The following FBXW10 variants were observed in gnomAD, a reference collection of about 807,000 sequenced individuals.
FBXW10 encodes F-box and WD repeat domain containing 10.
FBXW10 carries 68 observed loss-of-function variants against 113.1 expected under a neutral mutation model. The observed-to-expected ratio is 0.60, with a 90% CI of 0.49 to 0.74. FBXW10 has a LOEUF of 0.74. Among genes scored for constraint, FBXW10 ranks in the 30% least tolerant of loss-of-function variants. The probability of loss-of-function intolerance (pLI) is 0.00; values close to 1 mark genes in which losing one functional copy is unlikely to be tolerated. For missense variants in FBXW10, 753 were observed against 1,284.5 expected, an observed-to-expected ratio of 0.59 and a Z score of 6.32; for synonymous variants, 289 against 481.6, an observed-to-expected ratio of 0.60 and a Z score of 5.24.
chr17:18,755,928 G>A (rs2035252112), intron 5 of FBXW10, 117 bp from the exon 6 acceptor site: 1 of 939,048 alleles, frequency 1.1e-6, no homozygotes, highest in South Asian at 1.6e-5. Flanking sequence ...AGCAGCCTCA[G>A]CCTTCAGAGG....
In FBXW10 at chr17:18,744,789, G is replaced by C. The variant is rs750451171; in HGVS notation, c.505+40G>C. 63 of 1,594,778 alleles carry C rather than the reference G, an allele frequency of 4.0e-5. 2 individuals are homozygous for C. The South Asian group carries it at 6.5e-4, about 16-fold the overall frequency. Reference sequence around the variant, plus strand: ...AGGCAGAGACTAGAGGGCCCCCGAAGACCAGAAGGCAAGGCTTCAGAAATC... The same window carrying C: ...AGGCAGAGACTAGAGGGCCCCCGAACACCAGAAGGCAAGGCTTCAGAAATC... On this transcript the variant is annotated intron_variant, in intron 1 of 13. Coordinates refer to ENST00000395665, the MANE Select transcript of FBXW10 (RefSeq NM_001267585.2).
intron 2 of FBXW10, among the ~76,000 whole-genome samples, chr17:18,749,494 C>A (rs1406898112): frequency 6.6e-6 from 1 of 152,022 alleles, no homozygotes; most frequent in Non-Finnish European, 1.5e-5. Flanking sequence ...TTGCAGTGAG[C>A]CGAGATCGCG....
intron 5 of FBXW10, among the ~76,000 whole-genome samples, chr17:18,754,031 T>C (rs1293251506): frequency 6.6e-6 from 1 of 152,066 alleles, no homozygotes; most frequent in Non-Finnish European, 1.5e-5. Context: ...ATAGCATGAG[T>C]GTAAACTGTG....
chr17:18,770,313 T>TA (rs2035588059), intron 11 of FBXW10, among the ~76,000 whole-genome samples: 1 of 151,144 alleles, frequency 6.6e-6, no homozygotes, highest in Non-Finnish European at 1.5e-5. Context: ...TGACTTTTTT[T>TA]TTTTTTTTGA....
At chr17:18,750,858 T>A in intron 4 of FBXW10, 73 bp from the exon 5 acceptor site, 3 of 1,524,248 alleles carry the variant, frequency 2.0e-6, no homozygotes, top group Non-Finnish European at 2.6e-6. Flanking sequence ...TTTCCCTTCC[T>A]CCTGCAGAGT....
chr17:18,769,239 A>G (rs961497682), intron 10 of FBXW10, among the ~76,000 whole-genome samples: 5 of 152,056 alleles, frequency 3.3e-5, no homozygotes, highest in Non-Finnish European at 7.4e-5. Flanking sequence ...CCAGCCAATA[A>G]TACTATTTTA....
At chr17:18,768,139 C>A (rs1442139894) in intron 9 of FBXW10, among the ~76,000 whole-genome samples, 1 of 150,988 alleles carries the variant, frequency 6.6e-6, no homozygotes, top group East Asian at 1.9e-4. Context: ...GAGATCTTGG[C>A]GCACTGCAAC....
intron 13 of FBXW10, among the ~76,000 whole-genome samples, chr17:18,776,094 G>GGATT (rs1555538771): frequency 6.6e-6 from 1 of 152,048 alleles, no homozygotes; most frequent in Non-Finnish European, 1.5e-5. Flanking sequence ...GGAGATGAGC[G>GGATT]GATTGCCTGA....
intron 8 of FBXW10, among the ~76,000 whole-genome samples, chr17:18,765,435 G>C (rs2035476936): frequency 6.6e-6 from 1 of 152,216 alleles, no homozygotes; most frequent in African/African-American, 2.4e-5. Context: ...CCAAATCCCG[G>C]CTCTGCCACT....
intron 6 of FBXW10, 121 bp downstream of exon 6, chr17:18,756,275 C>T: frequency 1.1e-6 from 1 of 875,548 alleles, no homozygotes; most frequent in Non-Finnish European, 1.8e-6. Flanking sequence ...CAAGCTCCAG[C>T]CCTAAACTTG....
intron 5 of FBXW10, among the ~76,000 whole-genome samples, chr17:18,752,081 T>C (rs991204354): frequency 2.6e-5 from 4 of 152,196 alleles, no homozygotes; most frequent in African/African-American, 9.7e-5. Context: ...AAGGCAGCTA[T>C]GTTAAATTAG....
intron 11 of FBXW10, 147 bp downstream of exon 11, chr17:18,770,232 T>G: frequency 7.9e-7 from 1 of 1,264,034 alleles, no homozygotes; most frequent in East Asian, 2.3e-5. Flanking sequence ...GGTGGAGCAA[T>G]AGTCTTGTGG....
chr17:18,753,507 T>G (rs1465386700), intron 5 of FBXW10, among the ~76,000 whole-genome samples: 4 of 152,104 alleles, frequency 2.6e-5, no homozygotes, highest in Non-Finnish European at 5.9e-5. Flanking sequence ...CTCCCAGATT[T>G]GAAATAAACC....
chr17:18,759,559 T>C (rs2035338119), intron 7 of FBXW10, among the ~76,000 whole-genome samples: 1 of 152,194 alleles, frequency 6.6e-6, no homozygotes, highest in Non-Finnish European at 1.5e-5. Flanking sequence ...TGGATGATTG[T>C]ATCGTAACTC....
chr17:18,758,580 C>T lies in FBXW10; in HGVS notation c.1433+75C>T, dbSNP rs894801261. On this transcript the variant is annotated intron_variant, in intron 7 of 13. Coordinates refer to ENST00000395665, the MANE Select transcript of FBXW10 (RefSeq NM_001267585.2). ...GCAGCTCATGGAAGAAGTGTGCATG[C>T]TTCTTCTTTTTATATTTAACAGTTT... 3.2e-6 allele frequency: 5 copies of T among 1,551,506 alleles called. No homozygotes were observed. The African/African-American group carries it at 4.2e-5, about 13-fold the overall frequency.
At chr17:18,746,217 C>G (rs2035035468) in intron 1 of FBXW10, among the ~76,000 whole-genome samples, 1 of 152,198 alleles carries the variant, frequency 6.6e-6, no homozygotes, top group Non-Finnish European at 1.5e-5. Context: ...AACCTCCCAT[C>G]AAGCCTTACT....
chr17:18,766,977 G>A, intron 9 of FBXW10, 115 bp downstream of exon 9: 1 of 1,154,204 alleles, frequency 8.7e-7, no homozygotes, highest in Non-Finnish European at 1.2e-6. Context: ...CTTCAAGAAG[G>A]ACAGTCCTGA....
chr17:18,772,378 C>G, intron 11 of FBXW10, 34 bp from the exon 12 acceptor site: 1 of 1,599,150 alleles, frequency 6.3e-7, no homozygotes, highest in Non-Finnish European at 8.5e-7. Flanking sequence ...CCTCCACAGT[C>G]CTTTTGTGGA....
intron 5 of FBXW10, 149 bp downstream of exon 5, chr17:18,751,202 A>G (rs541632392): frequency 4.8e-6 from 5 of 1,035,234 alleles, no homozygotes; most frequent in East Asian, 5.1e-5. Context: ...CTGTGTTGCT[A>G]CTGACTTACA....
Sources: gnomAD v4.1 joint callset for allele counts (sites outside exome capture counted in the v4.1 genomes callset) on GRCh38, gnomAD v4.1.1 for gene constraint, MANE v1.5 for transcripts, NCBI Gene and HGNC (gene_info 2026-07-23, HGNC 2026-07-21) for gene names.